Variants in HOMER2 observed in about 807,000 individuals in gnomAD.
HOMER2 encodes homer scaffold protein 2, also known as homer protein homolog 2.
HOMER2 carries 27 observed loss-of-function variants against 47.0 expected under a neutral mutation model. That is an observed-to-expected ratio of 0.57 (90% CI 0.42 to 0.79). The LOEUF is 0.79. Ranked by LOEUF, HOMER2 falls within the 30% of genes least tolerant of loss-of-function variation. The probability of loss-of-function intolerance (pLI) is 0.00; values close to 1 mark genes in which losing one functional copy is unlikely to be tolerated. For missense variants in HOMER2, 443 were observed against 435.0 expected, an observed-to-expected ratio of 1.02 and a Z score of -0.16; for synonymous variants, 161 against 163.8, an observed-to-expected ratio of 0.98 and a Z score of 0.13.
At chr15:82,866,393 T>C (rs566420417) in intron 3 of HOMER2, among the ~76,000 whole-genome samples, 1 of 152,342 alleles carries the variant, frequency 6.6e-6, no homozygotes, top group South Asian at 2.1e-4. Context: ...TGTTTTTTAT[T>C]TTACTGGCTC....
chr15:82,972,336 A>C (rs1250476944), intron 1 of HOMER2, among the ~76,000 whole-genome samples: 1 of 152,228 alleles, frequency 6.6e-6, no homozygotes, highest in Non-Finnish European at 1.5e-5. Context: ...TCTGGCTAAG[A>C]ATACAAATTA....
downstream of HOMER2, among the ~76,000 whole-genome samples, chr15:82,836,311 T>C (rs773247397): frequency 1.3e-5 from 2 of 152,198 alleles, no homozygotes; most frequent in Non-Finnish European, 2.9e-5. Context: ...GCACTGCCAG[T>C]CTTCACCTCT....
chr15:82,923,893 G>T (rs2053793864), intron 1 of HOMER2, among the ~76,000 whole-genome samples: 1 of 152,168 alleles, frequency 6.6e-6, no homozygotes, highest in Non-Finnish European at 1.5e-5. Context: ...AGGCTGTAAA[G>T]CACAGCTCTA....
At chr15:82,937,622 G>A (rs1162317397) in intron 1 of HOMER2, among the ~76,000 whole-genome samples, 2 of 152,084 alleles carry the variant, frequency 1.3e-5, no homozygotes, top group African/African-American at 4.8e-5. Context: ...TCATGCTGGT[G>A]AGAATTTTAA....
At chr15:82,863,173 C>G (rs1173540110) in intron 4 of HOMER2, among the ~76,000 whole-genome samples, 1 of 152,078 alleles carries the variant, frequency 6.6e-6, no homozygotes, top group Non-Finnish European at 1.5e-5. Context: ...TTCCTGCAAC[C>G]TGTCCTCATT....
At chr15:82,852,827 T>TCCCCA (rs2051441977) in intron 6 of HOMER2, 1 of 152,664 alleles carries the variant, frequency 6.6e-6, no homozygotes, top group African/African-American at 2.4e-5. Context: ...GCCTGGCCTG[T>TCCCCA]GGGCCTCTTC....
intron 2 of HOMER2, among the ~76,000 whole-genome samples, chr15:82,875,878 A>C (rs1005637303): frequency 6.6e-6 from 1 of 152,248 alleles, no homozygotes. Flanking sequence ...CCCAACAGGA[A>C]GGAGCAGGTA....
chr15:82,849,942 T>C, intron 8 of HOMER2, 39 bp from the exon 9 acceptor site: 1 of 1,592,228 alleles, frequency 6.3e-7, no homozygotes. Flanking sequence ...GAAAACTGAG[T>C]GACGAGAGTC....
chr15:82,976,678 G>GT (rs11422973), intron 1 of HOMER2, among the ~76,000 whole-genome samples: 115,874 of 125,176 alleles, frequency 0.93, 53,797 homozygotes, highest in East Asian at 0.98. Context: ...TTTGTGTGTG[G>GT]TTTTTTTTTT....
rs2052055665 is a variant in HOMER2 at position 82,868,523 on chromosome 15, T to TA, written c.295-4265_295-4264insT. Reference sequence around the variant, plus strand: ...AAGTTATATATATCACTTATTTATTTTATATATATATATATATATTTTTTT... The same window carrying TA: ...AAGTTATATATATCACTTATTTATTTATATATATATATATATATATTTTTTT... On this transcript the variant is annotated intron_variant, in intron 3 of 8. Coordinates refer to ENST00000450735, the MANE Select transcript of HOMER2 (RefSeq NM_004839.4). 2.5e-4 allele frequency among the ~76,000 whole-genome samples: 9 copies of TA among 36,642 alleles called. No homozygotes were observed. In the South Asian group the frequency reaches 7.2e-3, roughly 29 times the overall value. 24.0% of individuals were successfully genotyped at this position (36,642 alleles called of 152,430 possible).
chr15:82,985,272 G>A (rs563773515), intron 1 of HOMER2, among the ~76,000 whole-genome samples: 2 of 152,302 alleles, frequency 1.3e-5, no homozygotes, highest in South Asian at 4.1e-4. Context: ...ACAGGCAACA[G>A]AGAGCCATTG....
At chr15:82,894,398 T>C (rs1272343979) in intron 1 of HOMER2, among the ~76,000 whole-genome samples, 1 of 152,100 alleles carries the variant, frequency 6.6e-6, no homozygotes, top group African/African-American at 2.4e-5. Flanking sequence ...CAAAATAAGA[T>C]ACAAATAGAA....
chr15:82,851,219 G>A lies in HOMER2; in HGVS notation c.775C>T (p.Leu259Phe). The A allele has an allele frequency of 6.4e-7, 1 of 1,561,046 alleles. No homozygotes were observed. The highest frequency in any genetic ancestry group is 8.7e-7 in the Non-Finnish European group (1 of 1,150,846). ...LREKETELKDLRKQSEIIPQL... is the reference protein window; with the variant it reads ...LREKETELKDFRKQSEIIPQL... ...GGTATGATTTCACTTTGTTTTCGGA[G>A]ATCTTTCAGCTCCTACATGAAAAAA... Residue 259 changes from leucine (L) to phenylalanine (F), a missense_variant, in exon 8 of 9, where the codon CTC becomes TTC. Physicochemically the swap from Leu to Phe is conservative, Grantham distance 22 (BLOSUM62 0). Coordinates refer to ENST00000450735, the MANE Select transcript of HOMER2 (RefSeq NM_004839.4).
chr15:82,837,826 G>A (rs894300276), exon 2 of HOMER2: 2 of 152,292 alleles, frequency 1.3e-5, no homozygotes, highest in African/African-American at 2.4e-5. Context: ...TTACTGTGGT[G>A]TTCCCAGGGC....
At chr15:82,897,512 T>A (rs1378479756) in intron 1 of HOMER2, among the ~76,000 whole-genome samples, 1 of 152,180 alleles carries the variant, frequency 6.6e-6, no homozygotes, top group East Asian at 1.9e-4. Flanking sequence ...CCTTATGGAA[T>A]CCCCTCCTCT....
chr15:82,960,784 G>A (rs755337000), intron 1 of HOMER2, among the ~76,000 whole-genome samples: 9 of 152,126 alleles, frequency 5.9e-5, no homozygotes, highest in African/African-American at 1.4e-4. Flanking sequence ...GGGAGGCCTC[G>A]GTGGTAGTTC....
chr15:82,871,574 G>T (rs777104832), intron 3 of HOMER2, among the ~76,000 whole-genome samples: 1 of 152,184 alleles, frequency 6.6e-6, no homozygotes, highest in African/African-American at 2.4e-5. Flanking sequence ...GGAAGAAGTT[G>T]ATTTGAAACA....
upstream of HOMER2, among the ~76,000 whole-genome samples, chr15:82,956,523 T>C (rs1376809957): frequency 1.3e-5 from 2 of 152,148 alleles, no homozygotes; most frequent in African/African-American, 4.8e-5. Flanking sequence ...CTGGTTTATA[T>C]TGTTAAAATA....
At chr15:82,963,794 T>A (rs1468541850) in intron 1 of HOMER2, among the ~76,000 whole-genome samples, 1 of 152,192 alleles carries the variant, frequency 6.6e-6, no homozygotes, top group Non-Finnish European at 1.5e-5. Context: ...GACCACTGGC[T>A]GCTTTTACCA....
Sources: allele counts gnomAD v4.1 joint callset (sites outside exome capture counted in the v4.1 genomes callset), GRCh38; gene constraint gnomAD v4.1.1; transcripts MANE v1.5; gene names NCBI Gene and HGNC (gene_info 2026-07-23, HGNC 2026-07-21).